IMPA1: variants seen among roughly 807,000 people sequenced by gnomAD.
IMPA1 encodes the protein D-galactose 1-phosphate phosphatase.
In IMPA1, 21 loss-of-function variants were observed where a neutral mutation model predicts 34.9. That is an observed-to-expected ratio of 0.60 (90% CI 0.43 to 0.87). IMPA1 has a LOEUF of 0.87. Ranked by LOEUF, IMPA1 falls within the 40% of genes least tolerant of loss-of-function variation. IMPA1 has a pLI of 0.00. For synonymous variants in IMPA1, 95 were observed against 104.4 expected (o/e 0.91, Z 0.55); for missense variants, 299 against 336.4 (o/e 0.89, Z 0.87).
Position 81,680,771 on chromosome 8 carries a change from C to T in IMPA1, c.76G>A (p.Ala26Thr), listed in dbSNP as rs757769083. 1 of 1,603,402 alleles carries T rather than the reference C, an allele frequency of 6.2e-7. No individual in the cohort carries two copies. Among genetic ancestry groups the T allele is most frequent in the Non-Finnish European group, 8.5e-7 (1 of 1,172,304 alleles). The part of the protein sequence containing the change: ...ARQAGEVVCE[A>T]IKNEMNVMLK... ...ATAACATTCATTTCATTTTTTATAG[C>T]TTCACAAACTACCTAAAAAGAGGTT... The change falls in exon 3 of 9, where the codon GCT becomes ACT. Residue 26 changes from alanine (A) to threonine (T), a missense_variant. Coordinates refer to ENST00000256108, the MANE Select transcript of IMPA1 (RefSeq NM_005536.4).
chr8:81,680,898 T>G, intron 2 of IMPA1, 115 bp from the exon 3 acceptor site: 8 of 780,264 alleles, frequency 1.0e-5, no homozygotes, highest in Non-Finnish European at 1.6e-5. Context: ...TTAAAGACAT[T>G]CTTAAAAATG....
At chr8:81,678,943 T>C (rs1375285149) in intron 4 of IMPA1, among the ~76,000 whole-genome samples, 183 bp downstream of exon 4, 1 of 152,196 alleles carries the variant, frequency 6.6e-6, no homozygotes, top group East Asian at 1.9e-4. Flanking sequence ...ACCTCCTCCA[T>C]ATCTGATAAG....
intron 1 of IMPA1, among the ~76,000 whole-genome samples, chr8:81,684,292 T>A (rs1376075390): frequency 6.9e-6 from 1 of 144,700 alleles, no homozygotes; most frequent in African/African-American, 2.5e-5. Context: ...TATATTTAGA[T>A]ACTATATATA....
At chr8:81,665,435 G>A (rs1038915044) in intron 7 of IMPA1, among the ~76,000 whole-genome samples, 42 of 152,046 alleles carry the variant, frequency 2.8e-4, no homozygotes, top group African/African-American at 7.7e-4. Flanking sequence ...ACTTAATAAA[G>A]AGAAATTAGG....
intron 5 of IMPA1, 75 bp from the exon 6 acceptor site, chr8:81,674,024 C>T: frequency 1.2e-6 from 1 of 866,424 alleles, no homozygotes; most frequent in Non-Finnish European, 1.9e-6. Context: ...AATAACAAGA[C>T]AATCTGGTAT....
intron 1 of IMPA1, among the ~76,000 whole-genome samples, chr8:81,684,526 G>GTA (rs1312951135): frequency 8.3e-6 from 1 of 121,024 alleles, no homozygotes; most frequent in Non-Finnish European, 1.7e-5. Context: ...ACTATGTGTA[G>GTA]TATATATACT....
intron 7 of IMPA1, among the ~76,000 whole-genome samples, chr8:81,667,444 T>G (rs1052811204): frequency 1.3e-5 from 2 of 152,168 alleles, no homozygotes; most frequent in African/African-American, 4.8e-5. Context: ...TATTAGGTCA[T>G]GAGGGCTTTG....
chr8:81,683,859 C>T (rs1489942489), intron 1 of IMPA1, among the ~76,000 whole-genome samples: 1 of 152,142 alleles, frequency 6.6e-6, no homozygotes, highest in East Asian at 1.9e-4. Context: ...CCAAATGGAA[C>T]AGACTGACTG....
At chr8:81,684,138 T>TACACACAC (rs955987022) in intron 1 of IMPA1, among the ~76,000 whole-genome samples, 7 of 114,012 alleles carry the variant, frequency 6.1e-5, no homozygotes, top group African/African-American at 1.8e-4. Context: ...CATACACACA[T>TACACACAC]ACACACACAC....
intron 8 of IMPA1, 110 bp downstream of exon 8, chr8:81,660,406 T>G (rs1806634641): frequency 1.2e-6 from 1 of 839,764 alleles, no homozygotes; most frequent in Non-Finnish European, 1.9e-6. Flanking sequence ...ATAGCTTGTT[T>G]CTGCTTCAAA....
chr8:81,683,952 C>T (rs905323710), intron 1 of IMPA1, among the ~76,000 whole-genome samples: 5 of 152,072 alleles, frequency 3.3e-5, no homozygotes, highest in Non-Finnish European at 7.4e-5. Context: ...TGGGGCAAGA[C>T]CCCTTGTGAA....
At chr8:81,684,705 C>T (rs1356033460) in intron 1 of IMPA1, among the ~76,000 whole-genome samples, 4 of 140,774 alleles carry the variant, frequency 2.8e-5, no homozygotes, top group African/African-American at 7.9e-5. Flanking sequence ...AAATACTACA[C>T]ATAAGTATAT....
rs1348107167 is a variant in IMPA1, at chr8:81,660,843, C to T, written c.567-176G>A. Among the ~76,000 whole-genome samples the T allele has an allele frequency of 4.6e-5, 7 of 152,070 alleles. No homozygotes were observed. The South Asian group carries it at 6.2e-4, about 14-fold the overall frequency. ...AAATATGTATAAATCTAATTATCAT[C>T]GTATATTATATAAATCACAAAACCC... On this transcript the variant is annotated intron_variant, in intron 7 of 8. Transcript: ENST00000256108.
Position 81,679,197 on chromosome 8 carries a change from T to A in IMPA1, c.231A>T (p.Glu77Asp). The change falls in exon 4 of 9, where the codon GAA (glutamate) becomes GAT (aspartate). Residue 77 changes from glutamate to aspartate, a missense_variant. Physicochemically the swap from Glu to Asp is conservative, Grantham distance 45 (BLOSUM62 2). Transcript: ENST00000256108. ...FIGEESVAAG[E>D]KSILTDNPTW... ...TGGGGTTGTCGGTTAAGATACTTTTTTCCCCAGCTGCCACAGATTCTTCAC... is the reference window on the plus strand; with the variant it reads ...TGGGGTTGTCGGTTAAGATACTTTTATCCCCAGCTGCCACAGATTCTTCAC... The A allele has an allele frequency of 6.2e-7, 1 of 1,614,016 alleles. No individual in the cohort carries two copies. Among genetic ancestry groups the A allele is most frequent in the Non-Finnish European group, 8.5e-7 (1 of 1,179,892 alleles).
intron 3 of IMPA1, 104 bp from the exon 4 acceptor site, chr8:81,679,334 C>T (rs1473660163): frequency 1.5e-5 from 12 of 801,942 alleles, no homozygotes; most frequent in Middle Eastern, 2.3e-4. Flanking sequence ...ACATAGCAGG[C>T]GAGGTGTGGA....
chr8:81,684,027 A>C (rs1262715579), intron 1 of IMPA1, among the ~76,000 whole-genome samples: 1 of 151,826 alleles, frequency 6.6e-6, no homozygotes, highest in East Asian at 1.9e-4. Context: ...GCTAGTTCTA[A>C]GACAGAAAGG....
chr8:81,685,759 T>G (rs751704575), intron 1 of IMPA1: 27 of 1,525,512 alleles, frequency 1.8e-5, no homozygotes, highest in Non-Finnish European at 2.4e-5. Context: ...CGTAGTTTAC[T>G]CACTTTCATT....
intron 7 of IMPA1, among the ~76,000 whole-genome samples, 159 bp downstream of exon 7, chr8:81,670,780 T>A (rs1378242318): frequency 1.3e-5 from 2 of 152,142 alleles, no homozygotes; most frequent in African/African-American, 4.8e-5. Flanking sequence ...AAAGTGTATT[T>A]ATGAAATCAG....
intron 7 of IMPA1, among the ~76,000 whole-genome samples, chr8:81,662,845 A>AT (rs1421983318): frequency 6.6e-6 from 1 of 152,206 alleles, no homozygotes; most frequent in Non-Finnish European, 1.5e-5. Flanking sequence ...TACATAGTGA[A>AT]TTTCATCTAC....
Sources: gnomAD v4.1 joint callset for allele counts (sites outside exome capture counted in the v4.1 genomes callset) on GRCh38, gnomAD v4.1.1 for gene constraint, MANE v1.5 for transcripts, NCBI Gene and HGNC (gene_info 2026-07-23, HGNC 2026-07-21) for gene names.